Variants in WDR93 observed in about 807,000 individuals in gnomAD.
WDR93 encodes the protein WD repeat-containing protein 93.
Under a neutral mutation model 82.9 loss-of-function variants are expected in WDR93, and 73 were observed. The observed-to-expected ratio is 0.88, with a 90% confidence interval of 0.73 to 1.07. The LOEUF (loss-of-function observed/expected upper bound fraction) is 1.07. WDR93 is among the 50% of genes least tolerant of loss of function. The probability of loss-of-function intolerance (pLI) is 0.00; values close to 1 mark genes in which losing one functional copy is unlikely to be tolerated. For synonymous variants in WDR93, 283 were observed against 300.1 expected (o/e 0.94, Z 0.59); for missense variants, 738 against 826.0 (o/e 0.89, Z 1.31).
intron 8 of WDR93, among the ~76,000 whole-genome samples, chr15:89,724,187 C>A (rs2141668887): frequency 6.8e-6 from 1 of 146,160 alleles, no homozygotes; most frequent in Non-Finnish European, 1.5e-5. Context: ...AAAAAAAATA[C>A]AAAAATTAGC....
chr15:89,710,993 G>C (rs1298990297), intron 4 of WDR93, among the ~76,000 whole-genome samples: 2 of 152,158 alleles, frequency 1.3e-5, no homozygotes, highest in African/African-American at 4.8e-5. Flanking sequence ...CTATTACAAA[G>C]AATGGTCTAG....
chr15:89,712,336 T>G (rs1966016309), intron 5 of WDR93, among the ~76,000 whole-genome samples: 1 of 148,594 alleles, frequency 6.7e-6, no homozygotes. Context: ...GGTACAGTAC[T>G]ATTAACTAAC....
chr15:89,740,288 G>C (rs1967554839), intron 16 of WDR93, among the ~76,000 whole-genome samples: 1 of 152,072 alleles, frequency 6.6e-6, no homozygotes, highest in Admixed American at 6.6e-5. Flanking sequence ...CACTTAACAG[G>C]GGCGTTCAAG....
chr15:89,700,546 C>T (rs1447939276), intron 1 of WDR93, among the ~76,000 whole-genome samples: 1 of 133,606 alleles, frequency 7.5e-6, no homozygotes, highest in Non-Finnish European at 1.5e-5. Context: ...TTATAATGTA[C>T]ACAATATTGA....
intron 4 of WDR93, among the ~76,000 whole-genome samples, chr15:89,710,655 A>C (rs577780738): frequency 6.6e-6 from 1 of 152,240 alleles, no homozygotes; most frequent in Non-Finnish European, 1.5e-5. Context: ...TGAGACCAGC[A>C]TAACTATGAT....
At chr15:89,722,019 T>A in intron 7 of WDR93, 36 bp from the exon 8 acceptor site, 1 of 1,371,454 alleles carries the variant, frequency 7.3e-7, no homozygotes, top group Non-Finnish European at 1.0e-6. Flanking sequence ...TCCTCTCTTC[T>A]CTTGGCTTAT....
At chr15:89,723,681 G>A (rs1455348967) in intron 8 of WDR93, among the ~76,000 whole-genome samples, 1 of 152,162 alleles carries the variant, frequency 6.6e-6, no homozygotes, top group Non-Finnish European at 1.5e-5. Context: ...AGGATACAGA[G>A]ACCAAAACAG....
chr15:89,705,159 C>A, intron 3 of WDR93: 1 of 194,514 alleles, frequency 5.1e-6, no homozygotes, highest in South Asian at 1.0e-4. Context: ...ATGATCTTTC[C>A]CTCAAAGAAT....
chr15:89,705,691 C>G, intron 4 of WDR93, 73 bp downstream of exon 4: 1 of 977,902 alleles, frequency 1.0e-6, no homozygotes, highest in Non-Finnish European at 1.6e-6. Flanking sequence ...AATATGGAAG[C>G]AATGATAGCT....
intron 6 of WDR93, among the ~76,000 whole-genome samples, chr15:89,716,284 T>C (rs935120134): frequency 4.6e-4 from 70 of 152,242 alleles, no homozygotes; most frequent in African/African-American, 1.6e-3. Flanking sequence ...AGTTATCCTG[T>C]TATACATGAA....
intron 8 of WDR93, among the ~76,000 whole-genome samples, chr15:89,724,044 C>CA (rs950707238): frequency 2.2e-4 from 33 of 151,178 alleles, no homozygotes; most frequent in East Asian, 1.6e-3. Flanking sequence ...CTAGAAATAC[C>CA]AAAAAAAAAT....
Position 89,717,311 on chromosome 15 carries a change from T to C in WDR93, c.795+362T>C, listed in dbSNP as rs561280324. ...CCGACCTCAGGTGATCTGCCTGCCT[T>C]GGCCTCCCAAAGTGCTGGGATTATA... On this transcript the variant is annotated intron_variant, in intron 7 of 16. Transcript: ENST00000268130. Among the ~76,000 whole-genome samples the C allele has an allele frequency of 3.0e-4, 46 of 152,290 alleles. 1 individual carries two copies. In the South Asian group the frequency reaches 6.8e-3, roughly 23 times the overall value.
chr15:89,712,953 G>A (rs574645314), intron 5 of WDR93, among the ~76,000 whole-genome samples: 41 of 151,984 alleles, frequency 2.7e-4, no homozygotes, highest in South Asian at 1.2e-3. Flanking sequence ...GGTGAAACCC[G>A]TCTCTACTAA....
intron 16 of WDR93, among the ~76,000 whole-genome samples, chr15:89,743,077 C>T (rs2141739574): frequency 6.6e-6 from 1 of 152,358 alleles, no homozygotes; most frequent in African/African-American, 2.4e-5. Context: ...CCACATGCAC[C>T]TCACAGGTAA....
chr15:89,740,085 C>G (rs547160220), intron 16 of WDR93, among the ~76,000 whole-genome samples: 6 of 152,146 alleles, frequency 3.9e-5, no homozygotes, highest in African/African-American at 7.2e-5. Context: ...TTTAATGATG[C>G]CTGATTTTTT....
At chr15:89,718,576 G>A (rs1017306765) in intron 7 of WDR93, among the ~76,000 whole-genome samples, 1 of 152,052 alleles carries the variant, frequency 6.6e-6, no homozygotes, top group Non-Finnish European at 1.5e-5. Flanking sequence ...GCAGTGAGTC[G>A]AGATTACACC....
chr15:89,731,610 C>T (rs1242383224), intron 12 of WDR93, 48 bp downstream of exon 12: 1 of 1,610,862 alleles, frequency 6.2e-7, no homozygotes, highest in Non-Finnish European at 8.5e-7. Flanking sequence ...GGACTCTGGG[C>T]AATGAGTCTG....
intron 7 of WDR93, among the ~76,000 whole-genome samples, chr15:89,718,389 G>A (rs563846953): frequency 4.7e-4 from 67 of 143,698 alleles, no homozygotes; most frequent in South Asian, 6.6e-4. Context: ...CAGGAGACTC[G>A]CTTGAACCCG....
rs1036799927 is a variant in WDR93, at chr15:89,721,965, C to G, written c.796-90C>G. The G allele has an allele frequency of 9.0e-6, 8 of 889,266 alleles. No individual in the cohort carries two copies. The Admixed American group carries it at 1.8e-4, about 20-fold the overall frequency. 55.1% of individuals were successfully genotyped at this position (889,266 alleles called of 1,614,324 possible). A position where few individuals can be genotyped will look rare whatever the true frequency, so the allele number is the denominator to read the frequency against. On this transcript the variant is annotated intron_variant, in intron 7 of 16. Coordinates refer to ENST00000268130, the MANE Select transcript of WDR93 (RefSeq NM_020212.2). Reference sequence around the variant, plus strand: ...TCCTCTTATTTTTCTTTTTCCCCTTCTTTTCCACCTTCTTTTAAAATTAGT... The same window carrying G: ...TCCTCTTATTTTTCTTTTTCCCCTTGTTTTCCACCTTCTTTTAAAATTAGT...
Sources: gnomAD v4.1 joint callset for allele counts (sites outside exome capture counted in the v4.1 genomes callset) on GRCh38, gnomAD v4.1.1 for gene constraint, MANE v1.5 for transcripts, NCBI Gene and HGNC (gene_info 2026-07-23, HGNC 2026-07-21) for gene names.